The following NTRK2 variants were observed in gnomAD, a reference collection of about 807,000 sequenced individuals.
NTRK2 encodes BDNF/NT-3 growth factors receptor.
NTRK2 carries 13 observed loss-of-function variants against 94.5 expected under a neutral mutation model. That is an observed-to-expected ratio of 0.14 (90% CI 0.09 to 0.22). The LOEUF (loss-of-function observed/expected upper bound fraction) is 0.22. Ranked by LOEUF, NTRK2 falls within the 10% of genes least tolerant of loss-of-function variation. NTRK2 has a pLI of 1.00. For missense variants in NTRK2, 639 were observed against 1,071.2 expected, an observed-to-expected ratio of 0.60 and a Z score of 5.63; for synonymous variants, 372 against 407.4, an observed-to-expected ratio of 0.91 and a Z score of 1.05.
At chr9:84,885,514 T>A (rs11788168) in intron 14 of NTRK2, among the ~76,000 whole-genome samples, 17,550 of 149,338 alleles carry the variant, frequency 0.12, 1,518 homozygotes, top group African/African-American at 0.24. Context: ...GAAGTTATCT[T>A]TTTTTTTTCT....
Position 84,723,569 on chromosome 9 carries a change from A to G in NTRK2, c.584-4A>G. On this transcript the variant is annotated splice_polypyrimidine_tract_variant and splice_region_variant and intron_variant, in intron 6 of 18. Coordinates refer to ENST00000277120, the MANE Select transcript of NTRK2 (RefSeq NM_006180.6). ...TGCCTCTGTTTACTTTTCTTGTTCC[A>G]TAGGTTTGCCATCTGCAAATCTGGC... is the stretch of plus-strand genomic sequence containing the variant. 1 of 1,614,030 alleles carries G rather than the reference A, an allele frequency of 6.2e-7. No individual in the cohort carries two copies. The highest frequency in any genetic ancestry group is 8.5e-7 in the Non-Finnish European group (1 of 1,179,924).
rs556189328 is a variant in NTRK2 at position 84,772,365 on chromosome 9, G to T, written c.1396+20280G>T. 3.3e-5 allele frequency among the ~76,000 whole-genome samples: 5 copies of T among 152,018 alleles called. No homozygotes were observed. The East Asian group carries it at 9.7e-4, about 29-fold the overall frequency. On this transcript the variant is annotated intron_variant, in intron 12 of 18. Transcript: ENST00000277120. ...CGCCTCCTGGGTTCAAGCAATTTTTGTGCCTTGGCCTCCTGATGTAGCTGG... is the reference window on the plus strand; with the variant it reads ...CGCCTCCTGGGTTCAAGCAATTTTTTTGCCTTGGCCTCCTGATGTAGCTGG...
chr9:84,991,504 G>T lies in NTRK2; in HGVS notation c.2173-28702G>T, dbSNP rs145499941. On this transcript the variant is annotated intron_variant, in intron 17 of 18. Coordinates refer to ENST00000277120, the MANE Select transcript of NTRK2 (RefSeq NM_006180.6). ...CCCTGGTCGGTTCTCAACCGTGGAA[G>T]CTCTCCATCTCCAACCACATCATCC... Among the ~76,000 whole-genome samples the T allele has an allele frequency of 5.9e-5, 9 of 152,234 alleles. No homozygotes were observed. The East Asian group carries it at 1.7e-3, about 29-fold the overall frequency.
chr9:84,702,887 T>C (rs533561567), intron 4 of NTRK2, among the ~76,000 whole-genome samples: 2 of 152,334 alleles, frequency 1.3e-5, no homozygotes, highest in Non-Finnish European at 2.9e-5. Flanking sequence ...CCGTCTGTCA[T>C]GGTTTGATAA....
intron 12 of NTRK2, among the ~76,000 whole-genome samples, chr9:84,796,133 C>T (rs1201724747): frequency 1.3e-5 from 2 of 152,158 alleles, no homozygotes; most frequent in East Asian, 1.9e-4. Flanking sequence ...AGGTTTTTTT[C>T]GCACAGCAAG....
chr9:84,867,158 T>C, intron 13 of NTRK2, 85 bp from the exon 14 acceptor site: 1 of 1,345,836 alleles, frequency 7.4e-7, no homozygotes, highest in Admixed American at 1.8e-5. Context: ...ATTGTATACT[T>C]TAAATGGGTA....
chr9:84,798,342 G>A (rs2069884272), intron 12 of NTRK2, among the ~76,000 whole-genome samples: 2 of 152,086 alleles, frequency 1.3e-5, no homozygotes, highest in African/African-American at 4.8e-5. Context: ...ATTTTAGGAG[G>A]ACACACACAT....
chr9:84,817,484 T>C (rs1052686789), intron 12 of NTRK2, among the ~76,000 whole-genome samples: 5 of 152,242 alleles, frequency 3.3e-5, no homozygotes, highest in African/African-American at 1.2e-4. Flanking sequence ...GCCAATATTC[T>C]AATAGTTCCA....
Position 85,026,679 on chromosome 9 carries a change from C to G in NTRK2, c.*5242C>G, listed in dbSNP as rs1833050418. Reference sequence around the variant, plus strand: ...GGACATTCTGCATTTGCTTCTGTATCTGGAGAGATGTTTGTATATATCCAG... The same window carrying G: ...GGACATTCTGCATTTGCTTCTGTATGTGGAGAGATGTTTGTATATATCCAG... On this transcript the variant is annotated 3_prime_UTR_variant, in exon 19 of 19. Transcript: ENST00000277120. 2 of 232,876 alleles carry G rather than the reference C, an allele frequency of 8.6e-6. No homozygotes were observed. The highest frequency in any genetic ancestry group is 4.4e-5 in the African/African-American group (2 of 45,338). The allele number at this position is 232,876 out of a possible 1,614,324, so 14.4% of individuals were successfully genotyped here.
intron 14 of NTRK2, among the ~76,000 whole-genome samples, chr9:84,915,395 A>T (rs2077365623): frequency 1.3e-5 from 2 of 152,184 alleles, no homozygotes; most frequent in African/African-American, 4.8e-5. Context: ...TGAGAGAATC[A>T]GTTCTCACAC....
intron 12 of NTRK2, among the ~76,000 whole-genome samples, chr9:84,791,383 A>G (rs1424389594): frequency 1.3e-5 from 2 of 152,194 alleles, no homozygotes; most frequent in African/African-American, 4.8e-5. Flanking sequence ...AAGGAAAAAA[A>G]TGAGTCAACT....
intron 6 of NTRK2, among the ~76,000 whole-genome samples, chr9:84,721,318 G>C (rs986736209): frequency 2.6e-5 from 4 of 151,922 alleles, no homozygotes; most frequent in Non-Finnish European, 5.9e-5. Context: ...TGGGATTACA[G>C]GCACCCGCCA....
At chr9:84,765,630 C>G (rs552170545) in intron 12 of NTRK2, among the ~76,000 whole-genome samples, 41 of 152,252 alleles carry the variant, frequency 2.7e-4, no homozygotes, top group African/African-American at 9.4e-4. Flanking sequence ...TAAGAAGACT[C>G]CACAACACAA....
chr9:84,722,277 A>G (rs1233176504), intron 6 of NTRK2, among the ~76,000 whole-genome samples: 1 of 149,832 alleles, frequency 6.7e-6, no homozygotes, highest in Admixed American at 6.7e-5. Context: ...CCTGAAAGCC[A>G]GATCTTATTG....
intron 2 of NTRK2, among the ~76,000 whole-genome samples, chr9:84,674,182 A>G (rs944180657): frequency 1.3e-5 from 2 of 152,066 alleles, no homozygotes; most frequent in Non-Finnish European, 2.9e-5. Flanking sequence ...CTGTGTATCC[A>G]TGTTGCTGTG....
intron 12 of NTRK2, chr9:84,812,321 G>A: frequency 1.9e-6 from 2 of 1,057,946 alleles, no homozygotes; most frequent in Non-Finnish European, 2.3e-6. Context: ...ATGGATTGCA[G>A]CATTTCACTT....
chr9:84,973,123 T>C (rs955766341), intron 17 of NTRK2, among the ~76,000 whole-genome samples: 4 of 152,260 alleles, frequency 2.6e-5, no homozygotes, highest in Non-Finnish European at 5.9e-5. Flanking sequence ...TTAAGGACCA[T>C]GGCCAACAGC....
chr9:84,796,783 A>G (rs1465789360), intron 12 of NTRK2, among the ~76,000 whole-genome samples: 1 of 152,204 alleles, frequency 6.6e-6, no homozygotes, highest in Non-Finnish European at 1.5e-5. Context: ...TAGGAATCAT[A>G]TATCACCATC....
At chr9:84,764,190 A>C (rs1026930705) in intron 12 of NTRK2, among the ~76,000 whole-genome samples, 7 of 152,212 alleles carry the variant, frequency 4.6e-5, no homozygotes, top group Non-Finnish European at 7.3e-5. Flanking sequence ...TGACCACCAG[A>C]TACCAGATCT....
Sources: allele counts gnomAD v4.1 joint callset (sites outside exome capture counted in the v4.1 genomes callset), GRCh38; gene constraint gnomAD v4.1.1; transcripts MANE v1.5; gene names NCBI Gene and HGNC (gene_info 2026-07-23, HGNC 2026-07-21).